The following ZDHHC12 variants were observed in gnomAD, a reference collection of about 807,000 sequenced individuals.
ZDHHC12 encodes the protein zDHHC palmitoyltransferase 12.
ZDHHC12 carries 26 observed loss-of-function variants against 33.2 expected under a neutral mutation model. The observed-to-expected ratio is 0.78, with a 90% CI of 0.57 to 1.09. ZDHHC12 has a LOEUF of 1.09. Among genes scored for constraint, ZDHHC12 ranks in the 50% least tolerant of loss-of-function variants. The pLI is 0.00. For synonymous variants in ZDHHC12, 154 were observed against 152.1 expected, an observed-to-expected ratio of 1.01 and a Z score of -0.09; for missense variants, 350 against 353.0, an observed-to-expected ratio of 0.99 and a Z score of 0.07.
rs369306989 is a variant in ZDHHC12, at chr9:128,724,088, C to G, written c.6G>C (p.Ala2=). 4.4e-6 allele frequency: 7 copies of G among 1,579,410 alleles called. No individual in the cohort carries two copies. In the South Asian group the frequency reaches 5.7e-5, roughly 13 times the overall value. Residue 2 remains alanine, a synonymous_variant, in exon 1 of 5, where the codon GCG becomes GCC. Coordinates refer to ENST00000372663, the MANE Select transcript of ZDHHC12 (RefSeq NM_032799.5). M[A]PWALLSPGVL... is the part of the protein sequence containing the mutation. The stretch of plus-strand genomic sequence containing the variant: ...CCCCAGGGCTGAGGAGCGCCCAGGG[C>G]GCCATCGCCTCGGCCCGGGGCCCCA...
At position 128,723,847 on chromosome 9, in the gene ZDHHC12, A is replaced by G. The variant is rs889922021; in HGVS notation, c.100+147T>C. The G allele has an allele frequency of 8.0e-7, 1 of 1,245,338 alleles. No individual in the cohort carries two copies. Among genetic ancestry groups the G allele is most frequent in the Non-Finnish European group, 1.1e-6 (1 of 902,618 alleles). The allele number at this position is 1,245,338 out of a possible 1,614,324, so 77.1% of individuals were successfully genotyped here. A position where few individuals can be genotyped will look rare whatever the true frequency, so the allele number is the denominator to read the frequency against. ...CAGAGAGCAGGTGGCTCTTGGAATG[A>G]TAGATGGGGAGAGGGCTTCAGGAGC... On this transcript the variant is annotated intron_variant, in intron 1 of 4. Transcript: ENST00000372663. The surrounding 1 kb of genome is among the most constrained non-coding windows in gnomAD (Gnocchi z 4.4).
chr9:128,722,398 T>G lies in ZDHHC12; in HGVS notation c.237+40A>C. Reference sequence around the variant, plus strand: ...GCCTGGCATGGAGACTGGTGCTGGTTGTTAGGTCCCTGTTGGTGAGAGTAG... The same window carrying G: ...GCCTGGCATGGAGACTGGTGCTGGTGGTTAGGTCCCTGTTGGTGAGAGTAG... On this transcript the variant is annotated intron_variant, in intron 2 of 4. Transcript: ENST00000372663. The surrounding 1 kb of genome is among the most constrained non-coding windows in gnomAD (Gnocchi z 4.2). 1 of 1,462,234 alleles carries G rather than the reference T, an allele frequency of 6.8e-7. No homozygotes were observed. The highest frequency in any genetic ancestry group is 9.1e-7 in the Non-Finnish European group (1 of 1,104,684). The allele number at this position is 1,462,234 out of a possible 1,614,324, so 90.6% of individuals were successfully genotyped here. A position where few individuals can be genotyped will look rare whatever the true frequency, so the allele number is the denominator to read the frequency against.
At position 128,722,383 on chromosome 9, in the gene ZDHHC12, G is replaced by GA; in HGVS notation, c.237+54dup. On this transcript the variant is annotated intron_variant, in intron 2 of 4. Transcript: ENST00000372663. The surrounding 1 kb of genome is among the most constrained non-coding windows in gnomAD (Gnocchi z 4.2). ...AGCCTGCAGCACAGAGCCTGGCATG[G>GA]AGACTGGTGCTGGTTGTTAGGTCCC... is the stretch of plus-strand genomic sequence containing the variant. 1 of 1,457,732 alleles carries GA rather than the reference G, an allele frequency of 6.9e-7. No homozygotes were observed. Among genetic ancestry groups the GA allele is most frequent in the South Asian group, 1.5e-5 (1 of 68,872 alleles). 90.3% of individuals were successfully genotyped at this position (1,457,732 alleles called of 1,614,324 possible).
rs1226914259 is a variant in ZDHHC12, at chr9:128,722,659, G to A, written c.101-85C>T. ...GGGGTGCAGTTGGAGGTGGGGAAGT[G>A]TGTTCCTGGCTGAGCAAAGGCCTGG... On this transcript the variant is annotated intron_variant, in intron 1 of 4. Coordinates refer to ENST00000372663, the MANE Select transcript of ZDHHC12 (RefSeq NM_032799.5). This position sits in a 1 kb window ranked among gnomAD's most constrained non-coding sequence, Gnocchi z 4.2. 43 of 1,536,266 alleles carry A rather than the reference G, an allele frequency of 2.8e-5. 1 individual carries two copies. In the Admixed American group the frequency reaches 8.7e-4, roughly 31 times the overall value.
rs376176872 is a variant in ZDHHC12 at position 128,721,958 on chromosome 9, G to A, written c.315+51C>T. On this transcript the variant is annotated intron_variant, in intron 3 of 4. Coordinates refer to ENST00000372663, the MANE Select transcript of ZDHHC12 (RefSeq NM_032799.5). The surrounding 1 kb of genome is among the most constrained non-coding windows in gnomAD (Gnocchi z 6.9). ...GGCAGTGGGGCAGGAGGAGGTCGAG[G>A]AGTCTCAGCTTTGGCCCAACCTCTC... is the stretch of plus-strand genomic sequence containing the variant. 5.6e-6 allele frequency: 9 copies of A among 1,612,570 alleles called. No homozygotes were observed. The highest frequency in any genetic ancestry group is 5.9e-6 in the Non-Finnish European group (7 of 1,179,194).
rs1201792848 is a variant in ZDHHC12, at chr9:128,724,116, C to A, written c.-23G>T. ...CATCGCCTCGGCCCGGGGCCCCACC[C>A]GGAAGAAGCGCCCAGAGGGGCGGGC... On this transcript the variant is annotated 5_prime_UTR_variant, in exon 1 of 5. Coordinates refer to ENST00000372663, the MANE Select transcript of ZDHHC12 (RefSeq NM_032799.5). 6.6e-7 allele frequency: 1 copy of A among 1,517,748 alleles called. No individual in the cohort carries two copies. The highest frequency in any genetic ancestry group is 2.5e-5 in the East Asian group (1 of 40,250). 94.0% of individuals were successfully genotyped at this position (1,517,748 alleles called of 1,614,324 possible).
rs1862558786 is a variant in ZDHHC12, at chr9:128,721,621, C to T, written c.482+30G>A. On this transcript the variant is annotated intron_variant, in intron 4 of 4. Coordinates refer to ENST00000372663, the MANE Select transcript of ZDHHC12 (RefSeq NM_032799.5). This position sits in a 1 kb window ranked among gnomAD's most constrained non-coding sequence, Gnocchi z 6.9. ...CCCCTGTGGGAGCATTCATCCCACC[C>T]TCCCTCTACACCCGGGCAGCAGCAC... is the stretch of plus-strand genomic sequence containing the variant. 2.5e-6 allele frequency: 4 copies of T among 1,607,314 alleles called. No individual in the cohort carries two copies. Among genetic ancestry groups the T allele is most frequent in the South Asian group, 2.2e-5 (2 of 90,514 alleles).
chr9:128,723,637 TCGTA>T lies in ZDHHC12; in HGVS notation c.100+353_100+356del. The T allele has an allele frequency of 2.4e-6, 1 of 419,534 alleles. No homozygotes were observed. Among genetic ancestry groups the T allele is most frequent in the Non-Finnish European group, 4.3e-6 (1 of 234,886 alleles). 26.0% of individuals were successfully genotyped at this position (419,534 alleles called of 1,614,324 possible). On this transcript the variant is annotated intron_variant, in intron 1 of 4. Transcript: ENST00000372663. The surrounding 1 kb of genome is among the most constrained non-coding windows in gnomAD (Gnocchi z 4.4). ...CTTTGCATCTAGTTGAGCCTCCTAA[TCGTA>T]TGGATAGGAAGATTTGGGGTCAGTT...
At position 128,722,649 on chromosome 9, in the gene ZDHHC12, G is replaced by A; in HGVS notation, c.101-75C>T. 6.5e-7 allele frequency: 1 copy of A among 1,541,980 alleles called. No individual in the cohort carries two copies. Among genetic ancestry groups the A allele is most frequent in the South Asian group, 1.2e-5 (1 of 82,806 alleles). On this transcript the variant is annotated intron_variant, in intron 1 of 4. Transcript: ENST00000372663. This position sits in a 1 kb window ranked among gnomAD's most constrained non-coding sequence, Gnocchi z 4.2. The stretch of plus-strand genomic sequence containing the variant: ...GGGTGGGGTTGGGGTGCAGTTGGAG[G>A]TGGGGAAGTGTGTTCCTGGCTGAGC...
At position 128,723,905 on chromosome 9, in the gene ZDHHC12, G is replaced by A; in HGVS notation, c.100+89C>T. The A allele has an allele frequency of 6.6e-7, 1 of 1,520,384 alleles. No homozygotes were observed. The highest frequency in any genetic ancestry group is 8.9e-7 in the Non-Finnish European group (1 of 1,123,470). 94.2% of individuals were successfully genotyped at this position (1,520,384 alleles called of 1,614,324 possible). On this transcript the variant is annotated intron_variant, in intron 1 of 4. Transcript: ENST00000372663. The surrounding 1 kb of genome is among the most constrained non-coding windows in gnomAD (Gnocchi z 4.4). ...GATCGGGCCAATCCCAGGATCTCCAGGGATTAGGCGGGAGACCCAGTGTGA... is the reference window on the plus strand; with the variant it reads ...GATCGGGCCAATCCCAGGATCTCCAAGGATTAGGCGGGAGACCCAGTGTGA...
rs770361166 is a variant in ZDHHC12, at chr9:128,721,205, TTCC to T, written c.777_779del (p.Glu261del). ...CCTAAACAGCTGGGCTGCTGCCCTCTTCCTCCTCCTCAGCCCAGAGGGTCTCCC... is the reference window on the plus strand; with the variant it reads ...CCTAAACAGCTGGGCTGCTGCCCTCTTCCTCCTCAGCCCAGAGGGTCTCCC... On this transcript the variant is annotated inframe_deletion, in exon 5 of 5. Transcript: ENST00000372663. This position sits in a 1 kb window ranked among gnomAD's most constrained non-coding sequence, Gnocchi z 6.9. The T allele has an allele frequency of 6.3e-7, 1 of 1,594,570 alleles. No homozygotes were observed. The highest frequency in any genetic ancestry group is 1.7e-5 in the Admixed American group (1 of 57,882).
In ZDHHC12 at chr9:128,724,045, GC is replaced by G. The variant is rs1304190463; in HGVS notation, c.48del (p.His17ThrfsTer4). ...GTGATTCCCCAGGTCAGCACGGTGTGCCCGGTCCGCACCAGGACCCCAGGGC... is the reference window on the plus strand; with the variant it reads ...GTGATTCCCCAGGTCAGCACGGTGTGCCGGTCCGCACCAGGACCCCAGGGC... ...LLSPGVLVRT[G>X]HTVLTWGITL... On this transcript the variant is annotated frameshift_variant, in exon 1 of 5. Transcript: ENST00000372663. LOFTEE classifies it high-confidence loss of function. The G allele has an allele frequency of 8.1e-6, 13 of 1,611,764 alleles. No homozygotes were observed. Among genetic ancestry groups the G allele is most frequent in the Non-Finnish European group, 1.0e-5 (12 of 1,178,804 alleles).
In ZDHHC12 at chr9:128,722,460, A is replaced by G; in HGVS notation, c.215T>C (p.Val72Ala). 6.5e-7 allele frequency: 1 copy of G among 1,534,768 alleles called. No individual in the cohort carries two copies. Among genetic ancestry groups the G allele is most frequent in the Non-Finnish European group, 8.8e-7 (1 of 1,137,978 alleles). The change falls in exon 2 of 5, where the codon GTG becomes GCG. Residue 72 changes from valine (V) to alanine (A), a missense_variant. Val to Ala is a moderately conservative substitution (Grantham distance 64). Coordinates refer to ENST00000372663, the MANE Select transcript of ZDHHC12 (RefSeq NM_032799.5). This position sits in a 1 kb window ranked among gnomAD's most constrained non-coding sequence, Gnocchi z 4.2. ...TACCTGAGGCTGGGGCTGCACATTC[A>G]CGTAGCCAGGGTCCATGAGTGACAC... is the stretch of plus-strand genomic sequence containing the variant. The part of the protein sequence containing the change: ...LAVSLMDPGY[V>A]NVQPQPQEEL...
rs748878348 is a variant in ZDHHC12, at chr9:128,721,612, C to T, written c.482+39G>A. 32 of 1,601,826 alleles carry T rather than the reference C, an allele frequency of 2.0e-5. No individual in the cohort carries two copies. The highest frequency in any genetic ancestry group is 2.6e-5 in the Non-Finnish European group (31 of 1,172,668). ...CTCTGTCCACCCCTGTGGGAGCATT[C>T]ATCCCACCCTCCCTCTACACCCGGG... On this transcript the variant is annotated intron_variant, in intron 4 of 4. Coordinates refer to ENST00000372663, the MANE Select transcript of ZDHHC12 (RefSeq NM_032799.5). This position sits in a 1 kb window ranked among gnomAD's most constrained non-coding sequence, Gnocchi z 6.9.
Position 128,723,605 on chromosome 9 carries a change from T to G in ZDHHC12, c.100+389A>C, listed in dbSNP as rs1309904585. The stretch of plus-strand genomic sequence containing the variant: ...GTGGGGGGTGTGGGTGTGGGCAGAA[T>G]GCCAATCTTTGCATCTAGTTGAGCC... On this transcript the variant is annotated intron_variant, in intron 1 of 4. Coordinates refer to ENST00000372663, the MANE Select transcript of ZDHHC12 (RefSeq NM_032799.5). This position sits in a 1 kb window ranked among gnomAD's most constrained non-coding sequence, Gnocchi z 4.4. 2.2e-5 allele frequency: 8 copies of G among 358,206 alleles called. No homozygotes were observed. The highest frequency in any genetic ancestry group is 4.1e-5 in the Non-Finnish European group (8 of 196,854). 22.2% of individuals were successfully genotyped at this position (358,206 alleles called of 1,614,324 possible).
Position 128,722,740 on chromosome 9 carries a change from C to T in ZDHHC12, c.101-166G>A, listed in dbSNP as rs1246668947. ...GCCAGCAGTTCATCTGCACTTTTAT[C>T]TGGAGGGTCAGAGGGAACCATGGAA... On this transcript the variant is annotated intron_variant, in intron 1 of 4. Transcript: ENST00000372663. The surrounding 1 kb of genome is among the most constrained non-coding windows in gnomAD (Gnocchi z 4.2). 6 of 1,445,172 alleles carry T rather than the reference C, an allele frequency of 4.2e-6. No homozygotes were observed. In the African/African-American group the frequency reaches 7.2e-5, roughly 17 times the overall value. The allele number at this position is 1,445,172 out of a possible 1,614,324, so 89.5% of individuals were successfully genotyped here. A position where few individuals can be genotyped will look rare whatever the true frequency, so the allele number is the denominator to read the frequency against.
chr9:128,721,909 T>G lies in ZDHHC12; in HGVS notation c.316-92A>C, dbSNP rs1862571652. ...AATCAGGGCCTGATTCTGGAAGGCC[T>G]TCTTGGAGGAGGGGCGAGGCCCAGG... On this transcript the variant is annotated intron_variant, in intron 3 of 4. Coordinates refer to ENST00000372663, the MANE Select transcript of ZDHHC12 (RefSeq NM_032799.5). The surrounding 1 kb of genome is among the most constrained non-coding windows in gnomAD (Gnocchi z 6.9). 6.2e-7 allele frequency: 1 copy of G among 1,603,152 alleles called. No homozygotes were observed.
chr9:128,722,823 A>G lies in ZDHHC12; in HGVS notation c.101-249T>C. On this transcript the variant is annotated intron_variant, in intron 1 of 4. Coordinates refer to ENST00000372663, the MANE Select transcript of ZDHHC12 (RefSeq NM_032799.5). The surrounding 1 kb of genome is among the most constrained non-coding windows in gnomAD (Gnocchi z 4.2). The stretch of plus-strand genomic sequence containing the variant: ...CATTGCTAAAGAAATGGATCAGGGG[A>G]AGCCTGGGGGCAGAGAATCTGGCCA... 7.8e-7 allele frequency: 1 copy of G among 1,280,570 alleles called. No individual in the cohort carries two copies. Among genetic ancestry groups the G allele is most frequent in the African/African-American group, 1.5e-5 (1 of 64,774 alleles). The allele number at this position is 1,280,570 out of a possible 1,614,324, so 79.3% of individuals were successfully genotyped here.
At position 128,723,940 on chromosome 9, in the gene ZDHHC12, C is replaced by CT; in HGVS notation, c.100+53dup. On this transcript the variant is annotated intron_variant, in intron 1 of 4. Coordinates refer to ENST00000372663, the MANE Select transcript of ZDHHC12 (RefSeq NM_032799.5). This position sits in a 1 kb window ranked among gnomAD's most constrained non-coding sequence, Gnocchi z 4.4. ...GGGAGACCCAGTGTGACCAGAACGT[C>CT]TGGGGAAGTACGCGGGATCGGGTGG... 6.3e-7 allele frequency: 1 copy of CT among 1,581,534 alleles called. No homozygotes were observed. The highest frequency in any genetic ancestry group is 8.6e-7 in the Non-Finnish European group (1 of 1,163,460).
Sources: gnomAD v4.1 joint callset for allele counts on GRCh38, gnomAD v4.1.1 for gene constraint, Gnocchi (gnomAD v3.1) non-coding constraint, MANE v1.5 for transcripts, NCBI Gene and HGNC (gene_info 2026-07-23, HGNC 2026-07-21) for gene names.